The following RAB3GAP1 variants were observed in gnomAD, a reference collection of about 807,000 sequenced individuals.
RAB3GAP1 encodes the protein rab3 GTPase-activating protein catalytic subunit.
In RAB3GAP1, 86 loss-of-function variants were observed where a neutral mutation model predicts 130.7. The observed-to-expected ratio is 0.66, with a 90% CI of 0.55 to 0.79. The LOEUF is 0.79. Ranked by LOEUF, RAB3GAP1 falls within the 30% of genes least tolerant of loss-of-function variation. The pLI, the probability that RAB3GAP1 is intolerant of heterozygous loss-of-function variation, is 0.00. For synonymous variants in RAB3GAP1, 367 were observed against 401.7 expected (o/e 0.91, Z 1.03); for missense variants, 1,029 against 1,169.4 (o/e 0.88, Z 1.75).
At chr2:135,148,690 T>A (rs1339892213) in intron 17 of RAB3GAP1, among the ~76,000 whole-genome samples, 1 of 143,318 alleles carries the variant, frequency 7.0e-6, no homozygotes, top group Admixed American at 6.9e-5. Context: ...TTTTTTTTTT[T>A]AAGTAGAGAT....
intron 17 of RAB3GAP1, among the ~76,000 whole-genome samples, chr2:135,145,696 T>C (rs1359791008): frequency 6.6e-6 from 1 of 152,216 alleles, no homozygotes; most frequent in Non-Finnish European, 1.5e-5. Flanking sequence ...ATTAACATAA[T>C]GTCTAATTCA....
At chr2:135,055,051 C>T (rs752344877) in intron 2 of RAB3GAP1, among the ~76,000 whole-genome samples, 8 of 152,110 alleles carry the variant, frequency 5.3e-5, no homozygotes, top group Non-Finnish European at 8.8e-5. Context: ...GTGCACATTA[C>T]GGATTTAGGG....
At chr2:135,073,131 G>C (rs1689524652) in intron 3 of RAB3GAP1, among the ~76,000 whole-genome samples, 1 of 152,230 alleles carries the variant, frequency 6.6e-6, no homozygotes, top group South Asian at 2.1e-4. Flanking sequence ...TTGCCCCAAA[G>C]GGGTGTGGAA....
chr2:135,070,298 C>T (rs1689431156), intron 3 of RAB3GAP1, among the ~76,000 whole-genome samples: 1 of 152,130 alleles, frequency 6.6e-6, no homozygotes. Context: ...TGTTATTTTG[C>T]CTCAGCTTCT....
At chr2:135,150,184 G>T (rs977666404) in intron 17 of RAB3GAP1, among the ~76,000 whole-genome samples, 185 bp from the exon 18 acceptor site, 6 of 151,928 alleles carry the variant, frequency 3.9e-5, no homozygotes, top group African/African-American at 7.3e-5. Flanking sequence ...GCCTGAAAGT[G>T]GTATTTATTT....
At chr2:135,141,124 C>CT (rs1409577592) in intron 17 of RAB3GAP1, among the ~76,000 whole-genome samples, 2 of 146,488 alleles carry the variant, frequency 1.4e-5, no homozygotes, top group African/African-American at 5.1e-5. Flanking sequence ...AAGCAGTTGT[C>CT]TTTTTTTTTC....
At chr2:135,110,151 T>G (rs1286669138) in intron 5 of RAB3GAP1, among the ~76,000 whole-genome samples, 1 of 151,464 alleles carries the variant, frequency 6.6e-6, no homozygotes, top group Non-Finnish European at 1.5e-5. Flanking sequence ...TTTTTTTTTT[T>G]GAGATGAGGT....
At chr2:135,109,784 A>G (rs564883115) in intron 5 of RAB3GAP1, among the ~76,000 whole-genome samples, 3 of 151,922 alleles carry the variant, frequency 2.0e-5, no homozygotes, top group Admixed American at 2.0e-4. Context: ...GGGTTTCACC[A>G]TGTTAGCCAG....
At chr2:135,059,211 T>C (rs1689101088) in intron 3 of RAB3GAP1, 1 of 152,148 alleles carries the variant, frequency 6.6e-6, no homozygotes, top group Non-Finnish European at 1.5e-5. Flanking sequence ...ACACGGGTCA[T>C]TCTACTCCAC....
chr2:135,058,074 G>C lies in RAB3GAP1; in HGVS notation c.138G>C (p.Lys46Asn). 6.2e-7 allele frequency: 1 copy of C among 1,611,624 alleles called. No individual in the cohort carries two copies. Among genetic ancestry groups the C allele is most frequent in the Non-Finnish European group, 8.5e-7 (1 of 1,177,902 alleles). The change falls in exon 3 of 24, where the codon AAG becomes AAC. Residue 46 changes from lysine to asparagine, a missense_variant. This residue lies in a region of RAB3GAP1 where 510 missense variants were observed against 532.1 expected (regional missense o/e 0.96). Transcript: ENST00000264158. ...DWKLIGNSLG[K>N]PLEKGIFTSG... ...AACTGATTGGAAACTCTTTGGGAAA[G>C]CCACTCGAAAAGGTCAGATCTATTT... is the stretch of plus-strand genomic sequence containing the variant.
intron 5 of RAB3GAP1, among the ~76,000 whole-genome samples, chr2:135,097,600 ATAAATAGAATTCTACTGTATG>A (rs1204680985): frequency 5.3e-5 from 8 of 152,300 alleles, no homozygotes; most frequent in South Asian, 2.1e-4. Context: ...AGAGTGTCAT[ATAAATAGAATTCTACTGTATG>A]TAAATAGAAT....
intron 5 of RAB3GAP1, among the ~76,000 whole-genome samples, chr2:135,103,061 G>A (rs62170172): frequency 1.1e-4 from 8 of 74,898 alleles, no homozygotes; most frequent in Admixed American, 1.5e-4. Flanking sequence ...TTTTTGAGAC[G>A]GAGTCTCGCT....
At chr2:135,119,183 A>G (rs751745092) in intron 7 of RAB3GAP1, among the ~76,000 whole-genome samples, 24 of 146,132 alleles carry the variant, frequency 1.6e-4, no homozygotes, top group Non-Finnish European at 3.1e-4. Flanking sequence ...ATCTTGGCTC[A>G]CTGCAACCTC....
At chr2:135,173,262 T>C (rs115113008), downstream of RAB3GAP1, among the ~76,000 whole-genome samples, 6 of 151,702 alleles carry the variant, frequency 4.0e-5, no homozygotes, top group East Asian at 5.9e-4. Flanking sequence ...TTGGGAAACA[T>C]AGATAGTACT....
intron 4 of RAB3GAP1, among the ~76,000 whole-genome samples, chr2:135,092,549 G>T (rs539952939): frequency 6.6e-5 from 10 of 152,276 alleles, no homozygotes; most frequent in Admixed American, 2.0e-4. Context: ...CAAATCTCCT[G>T]CCTCAGCTTC....
chr2:135,102,184 G>A (rs1690467435), intron 5 of RAB3GAP1, among the ~76,000 whole-genome samples: 2 of 152,240 alleles, frequency 1.3e-5, no homozygotes, highest in Non-Finnish European at 2.9e-5. Flanking sequence ...AAGTGGAAGA[G>A]GGAGACAGAG....
At chr2:135,101,831 T>A (rs1485048367) in intron 5 of RAB3GAP1, among the ~76,000 whole-genome samples, 1 of 152,166 alleles carries the variant, frequency 6.6e-6, no homozygotes, top group Admixed American at 6.5e-5. Context: ...AGTGGGTGTT[T>A]CCTGAAACCA....
intron 15 of RAB3GAP1, 33 bp downstream of exon 15, chr2:135,134,066 G>A (rs762639891): frequency 6.2e-7 from 1 of 1,610,730 alleles, no homozygotes; most frequent in Non-Finnish European, 8.5e-7. Flanking sequence ...GTTTGGATAC[G>A]ATTTTGTTTG....
At chr2:135,121,909 A>G (rs1691212381) in intron 8 of RAB3GAP1, among the ~76,000 whole-genome samples, 2 of 151,936 alleles carry the variant, frequency 1.3e-5, no homozygotes, top group Admixed American at 6.6e-5. Context: ...CCTGGCCAAC[A>G]TGGTGAAACC....
Sources: allele counts gnomAD v4.1 joint callset (sites outside exome capture counted in the v4.1 genomes callset), GRCh38; gene constraint gnomAD v4.1.1; regional missense constraint gnomAD v4.1.1; transcripts MANE v1.5; gene names NCBI Gene and HGNC (gene_info 2026-07-23, HGNC 2026-07-21).